The following IL1RAPL1 variants were observed in gnomAD, a reference collection of about 807,000 sequenced individuals.
The protein encoded by IL1RAPL1 is interleukin-1 receptor accessory protein-like 1.
A neutral mutation model predicts 48.4 loss-of-function variants in IL1RAPL1; 3 were observed. The observed-to-expected ratio is 0.06, with a 90% CI of 0.03 to 0.16. IL1RAPL1 has a LOEUF of 0.16. IL1RAPL1 is among the 10% of genes least tolerant of loss of function. The probability of loss-of-function intolerance (pLI) is 1.00; values close to 1 mark genes in which losing one functional copy is unlikely to be tolerated. For synonymous variants in IL1RAPL1, 185 were observed against 187.7 expected, an observed-to-expected ratio of 0.99 and a Z score of 0.12; for missense variants, 349 against 530.6, an observed-to-expected ratio of 0.66 and a Z score of 3.36.
At chrX:29,427,263 T>TA in intron 5 of IL1RAPL1, among the ~76,000 whole-genome samples, 1 of 111,136 alleles carries the variant, frequency 9.0e-6, no homozygotes, top group Non-Finnish European at 1.9e-5. Flanking sequence ...AAGACTGAAG[T>TA]AAAAAAACAA....
intron 2 of IL1RAPL1, among the ~76,000 whole-genome samples, chrX:28,906,743 A>AT (rs1474138352): frequency 9.0e-6 from 1 of 111,549 alleles, no homozygotes; most frequent in African/African-American, 3.3e-5. Context: ...CATTCTTTTC[A>AT]TTTTTTTCAT....
At chrX:28,891,653 A>C (rs926077553) in intron 2 of IL1RAPL1, among the ~76,000 whole-genome samples, 2 of 112,476 alleles carry the variant, frequency 1.8e-5, no homozygotes, top group Admixed American at 9.4e-5. Context: ...TGGATGCAGC[A>C]CATTTTATTT....
chrX:29,279,531 T>C (rs1932169601), intron 2 of IL1RAPL1, among the ~76,000 whole-genome samples: 1 of 112,027 alleles, frequency 8.9e-6, no homozygotes, highest in Non-Finnish European at 1.9e-5. Context: ...ATTGAACCAT[T>C]TTAAGTTTAT....
At chrX:28,937,766 T>C (rs1190637518) in intron 2 of IL1RAPL1, among the ~76,000 whole-genome samples, 2 of 111,437 alleles carry the variant, frequency 1.8e-5, no homozygotes, top group African/African-American at 6.5e-5. Flanking sequence ...ATTCTATATC[T>C]AGAAAACCCT....
chrX:28,981,336 G>A (rs1925336449), intron 2 of IL1RAPL1, among the ~76,000 whole-genome samples: 4 of 108,539 alleles, frequency 3.7e-5, no homozygotes, highest in South Asian at 4.1e-4. Context: ...ACCTGAAAAC[G>A]ATCCTAAAAT....
chrX:29,539,082 C>T (rs781084483), intron 5 of IL1RAPL1, among the ~76,000 whole-genome samples: 42 of 111,431 alleles, frequency 3.8e-4, no homozygotes, highest in Non-Finnish European at 4.7e-4. Context: ...GATACCAAAA[C>T]CTGGCAAGGA....
At chrX:28,838,445 T>C (rs1921281829) in intron 2 of IL1RAPL1, among the ~76,000 whole-genome samples, 1 of 111,021 alleles carries the variant, frequency 9.0e-6, no homozygotes, top group Non-Finnish European at 1.9e-5. Flanking sequence ...TAAAAGGGGT[T>C]AGTATTCCCC....
At chrX:28,913,895 A>T (rs1277088999) in intron 2 of IL1RAPL1, among the ~76,000 whole-genome samples, 1 of 111,111 alleles carries the variant, frequency 9.0e-6, no homozygotes, top group Non-Finnish European at 1.9e-5. Context: ...TACCAGTTGT[A>T]TGTTATCAGA....
chrX:28,683,122 A>G (rs747645514), intron 1 of IL1RAPL1, among the ~76,000 whole-genome samples: 1 of 111,811 alleles, frequency 8.9e-6, no homozygotes, highest in Non-Finnish European at 1.9e-5. Flanking sequence ...TCTTGAGTTC[A>G]TATTGGATTC....
At chrX:28,831,253 C>T (rs1261089812) in intron 2 of IL1RAPL1, among the ~76,000 whole-genome samples, 1 of 97,139 alleles carries the variant, frequency 1.0e-5, no homozygotes, top group African/African-American at 3.8e-5. Context: ...CAGAGCTTTG[C>T]AAGGCCTCCT....
At chrX:29,004,118 A>G (rs764878996) in intron 2 of IL1RAPL1, among the ~76,000 whole-genome samples, 3 of 111,378 alleles carry the variant, frequency 2.7e-5, no homozygotes, top group Non-Finnish European at 5.7e-5. Context: ...TTCCAGCACT[A>G]TACTCCAGCC....
At chrX:29,060,825 A>T (rs1927325153) in intron 2 of IL1RAPL1, among the ~76,000 whole-genome samples, 1 of 111,934 alleles carries the variant, frequency 8.9e-6, no homozygotes, top group African/African-American at 3.3e-5. Context: ...TTAAATGTAC[A>T]TTTTAATATT....
At chrX:28,653,483 A>G (rs1026365893) in intron 1 of IL1RAPL1, among the ~76,000 whole-genome samples, 19 of 111,039 alleles carry the variant, frequency 1.7e-4, no homozygotes, top group Non-Finnish European at 2.1e-4. Flanking sequence ...TCAAAAAAAA[A>G]AAGGCTTTCT....
At chrX:29,496,469 C>CTTTT (rs60141942) in intron 5 of IL1RAPL1, among the ~76,000 whole-genome samples, 5 of 73,282 alleles carry the variant, frequency 6.8e-5, no homozygotes, top group Non-Finnish European at 1.3e-4. Context: ...TTTCTTATTC[C>CTTTT]TTTTTTTTTT....
intron 2 of IL1RAPL1, among the ~76,000 whole-genome samples, chrX:28,828,800 G>A (rs962405454): frequency 9.0e-6 from 1 of 111,527 alleles, no homozygotes; most frequent in Non-Finnish European, 1.9e-5. Flanking sequence ...AGTTTTGTTC[G>A]GGTTTTCAAG....
chrX:29,441,773 A>T (rs926725122), intron 5 of IL1RAPL1, among the ~76,000 whole-genome samples: 1 of 111,977 alleles, frequency 8.9e-6, no homozygotes, highest in African/African-American at 3.2e-5. Context: ...AGTTTCTGCC[A>T]TTTCAGTATG....
chrX:29,034,065 T>C (rs191537784), intron 2 of IL1RAPL1, among the ~76,000 whole-genome samples: 2 of 112,324 alleles, frequency 1.8e-5, no homozygotes, highest in Admixed American at 1.9e-4. Flanking sequence ...TATATTATTG[T>C]CTAAAACCTT....
chrX:29,204,119 C>T (rs186794706), intron 2 of IL1RAPL1, among the ~76,000 whole-genome samples: 55 of 111,362 alleles, frequency 4.9e-4, no homozygotes, highest in Admixed American at 4.2e-3. Context: ...GTCAACTGCC[C>T]GTTGATAGAC....
intron 2 of IL1RAPL1, among the ~76,000 whole-genome samples, chrX:28,793,080 C>T (rs1936572041): frequency 9.4e-6 from 1 of 106,556 alleles, no homozygotes; most frequent in East Asian, 3.0e-4. Context: ...AGATTTTATC[C>T]TGGGACAATT....
Sources: gnomAD v4.1 joint callset for allele counts (sites outside exome capture counted in the v4.1 genomes callset) on GRCh38, gnomAD v4.1.1 for gene constraint, MANE v1.5 for transcripts, NCBI Gene and HGNC (gene_info 2026-07-23, HGNC 2026-07-21) for gene names.